The following TBC1D19 variants were observed in gnomAD, a reference collection of about 807,000 sequenced individuals.
TBC1D19 encodes the protein TBC1 domain family, member 19.
TBC1D19 carries 60 observed loss-of-function variants against 89.0 expected under a neutral mutation model. The observed-to-expected ratio is 0.67, with a 90% confidence interval of 0.55 to 0.84. The LOEUF (loss-of-function observed/expected upper bound fraction) is 0.84. Ranked by LOEUF, TBC1D19 falls within the 40% of genes least tolerant of loss-of-function variation. The probability of loss-of-function intolerance (pLI) is 0.00; values close to 1 mark genes in which losing one functional copy is unlikely to be tolerated. For missense variants in TBC1D19, 500 were observed against 610.8 expected, an observed-to-expected ratio of 0.82 and a Z score of 1.91; for synonymous variants, 189 against 199.7, an observed-to-expected ratio of 0.95 and a Z score of 0.45.
chr4:26,611,643 T>G (rs1741386685), intron 1 of TBC1D19, among the ~76,000 whole-genome samples: 1 of 152,186 alleles, frequency 6.6e-6, no homozygotes, highest in Non-Finnish European at 1.5e-5. Flanking sequence ...CATTGGGGAT[T>G]GCAAAGTTGT....
At chr4:26,760,827 A>G (rs1197856301), downstream of TBC1D19, among the ~76,000 whole-genome samples, 1 of 152,010 alleles carries the variant, frequency 6.6e-6, no homozygotes, top group Non-Finnish European at 1.5e-5. Context: ...TTTTTTCCCT[A>G]TGTTTTCTTC....
intron 8 of TBC1D19, among the ~76,000 whole-genome samples, 168 bp downstream of exon 8, chr4:26,659,875 T>G (rs1199825090): frequency 1.3e-5 from 2 of 152,204 alleles, no homozygotes; most frequent in Non-Finnish European, 2.9e-5. Flanking sequence ...GCAAGTTGTT[T>G]TGCTAATAGA....
the TBC1D19 span, among the ~76,000 whole-genome samples, chr4:26,818,735 CTCAGTT>C: frequency 3.9e-5 from 6 of 152,328 alleles, no homozygotes; most frequent in African/African-American, 1.4e-4. Flanking sequence ...ACGAACTCTT[CTCAGTT>C]TGTCTGGGAC....
chr4:26,800,159 C>T, the TBC1D19 span, among the ~76,000 whole-genome samples: 1 of 152,120 alleles, frequency 6.6e-6, no homozygotes, highest in Non-Finnish European at 1.5e-5. Flanking sequence ...CTCCCCGTCT[C>T]CCCACCCCAC....
chr4:26,746,445 C>T (rs1029563588), intron 18 of TBC1D19, among the ~76,000 whole-genome samples: 2 of 152,054 alleles, frequency 1.3e-5, no homozygotes, highest in African/African-American at 4.8e-5. Flanking sequence ...AATTCTCTGG[C>T]TCTTTCCTCC....
intron 1 of TBC1D19, among the ~76,000 whole-genome samples, chr4:26,605,677 A>C (rs1740949907): frequency 1.3e-5 from 2 of 152,196 alleles, no homozygotes; most frequent in Admixed American, 6.5e-5. Context: ...CCAACAGTGT[A>C]AAAGTGTTCC....
At chr4:26,781,361 T>C in the TBC1D19 span, among the ~76,000 whole-genome samples, 1 of 152,202 alleles carries the variant, frequency 6.6e-6, no homozygotes, top group African/African-American at 2.4e-5. Context: ...TGCAACTTCC[T>C]AGTGATGTGA....
intron 15 of TBC1D19, among the ~76,000 whole-genome samples, chr4:26,733,720 A>T (rs1478780105): frequency 6.6e-6 from 1 of 152,232 alleles, no homozygotes; most frequent in African/African-American, 2.4e-5. Flanking sequence ...AATGCATTAG[A>T]TAACAGAATA....
the TBC1D19 span, among the ~76,000 whole-genome samples, chr4:26,772,629 A>G: frequency 6.6e-6 from 1 of 151,036 alleles, no homozygotes; most frequent in African/African-American, 2.4e-5. Context: ...CTCATCCCAC[A>G]CCCCCAACAG....
chr4:26,656,873 A>G (rs1744856836), intron 7 of TBC1D19, among the ~76,000 whole-genome samples: 1 of 151,942 alleles, frequency 6.6e-6, no homozygotes, highest in African/African-American at 2.4e-5. Context: ...ATTTTTGAAA[A>G]TTATATAAAT....
intron 7 of TBC1D19, among the ~76,000 whole-genome samples, chr4:26,642,844 A>G (rs1336629973): frequency 1.3e-5 from 2 of 152,230 alleles, no homozygotes; most frequent in African/African-American, 4.8e-5. Context: ...AGGCCATTAC[A>G]TAATGGTAAG....
chr4:26,789,000 T>TC, the TBC1D19 span, among the ~76,000 whole-genome samples: 1 of 152,202 alleles, frequency 6.6e-6, no homozygotes, highest in Non-Finnish European at 1.5e-5. Flanking sequence ...TACCTTTTTT[T>TC]CCCTTTTTTC....
intron 19 of TBC1D19, 44 bp from the exon 20 acceptor site, chr4:26,753,776 T>C (rs758111284): frequency 6.2e-7 from 1 of 1,611,572 alleles, no homozygotes; most frequent in Non-Finnish European, 8.5e-7. Flanking sequence ...CGTGCCGGGC[T>C]GATGAGTAGG....
intron 15 of TBC1D19, among the ~76,000 whole-genome samples, chr4:26,720,361 A>C (rs1034687082): frequency 2.6e-5 from 4 of 152,160 alleles, no homozygotes; most frequent in Admixed American, 2.0e-4. Context: ...AAAGCTGAGT[A>C]TGCTTAGATC....
rs930292393 is a variant in TBC1D19 at position 26,621,459 on chromosome 4, C to A, written c.294+771C>A. ...AGCCTCAGAGATGGATTTTTAAAAC[C>A]TTTTTTGGTATGGAATATTTCAAAG... On this transcript the variant is annotated intron_variant, in intron 4 of 20. Transcript: ENST00000264866. Among the ~76,000 whole-genome samples the A allele has an allele frequency of 4.6e-5, 7 of 152,090 alleles. 1 individual carries two copies. In the South Asian group the frequency reaches 1.5e-3, roughly 32 times the overall value.
chr4:26,605,885 C>T (rs1269437102), intron 1 of TBC1D19, among the ~76,000 whole-genome samples: 1 of 152,144 alleles, frequency 6.6e-6, no homozygotes, highest in Non-Finnish European at 1.5e-5. Flanking sequence ...ATCCTTTGCA[C>T]ACTTTTTGAT....
At chr4:26,856,724 C>T in the TBC1D19 span, among the ~76,000 whole-genome samples, 3 of 152,190 alleles carry the variant, frequency 2.0e-5, no homozygotes, top group Non-Finnish European at 4.4e-5. Context: ...TTCTAGTCCT[C>T]TTTTTGTGGA....
chr4:26,597,523 CT>C lies in TBC1D19; in HGVS notation c.99+13251del, dbSNP rs1223042517. ...AAAAATCCAGACTGACAGCTAGAGTCTTTTTTTTTTTTTTTTTTTTAAGTAG... is the reference window on the plus strand; with the variant it reads ...AAAAATCCAGACTGACAGCTAGAGTCTTTTTTTTTTTTTTTTTTTAAGTAG... On this transcript the variant is annotated intron_variant, in intron 1 of 20. Transcript: ENST00000264866. 5.8e-4 allele frequency among the ~76,000 whole-genome samples: 67 copies of C among 115,122 alleles called. 1 individual carries two copies. The highest frequency in any genetic ancestry group is 1.8e-3 in the African/African-American group (53 of 29,440). The allele number at this position is 115,122 out of a possible 152,430, so 75.5% of individuals were successfully genotyped here.
the TBC1D19 span, among the ~76,000 whole-genome samples, chr4:26,778,903 G>T: frequency 3.3e-5 from 5 of 152,058 alleles, no homozygotes; most frequent in African/African-American, 1.2e-4. Context: ...ATATCCCTTG[G>T]AATAATTTTT....
Sources: gnomAD v4.1 joint callset for allele counts (sites outside exome capture counted in the v4.1 genomes callset) on GRCh38, gnomAD v4.1.1 for gene constraint, MANE v1.5 for transcripts, NCBI Gene and HGNC (gene_info 2026-07-23, HGNC 2026-07-21) for gene names.